Variants in PACRG observed in about 807,000 individuals in gnomAD.
PACRG encodes parkin coregulated.
Under a neutral mutation model 29.7 loss-of-function variants are expected in PACRG, and 29 were observed. The observed-to-expected ratio is 0.98, with a 90% CI of 0.73 to 1.33. The LOEUF (loss-of-function observed/expected upper bound fraction) is 1.33. Among genes scored for constraint, PACRG ranks in the 40% most tolerant of loss-of-function variants. PACRG has a pLI of 0.00. For synonymous variants in PACRG, 116 were observed against 118.7 expected, an observed-to-expected ratio of 0.98 and a Z score of 0.15; for missense variants, 279 against 316.2, an observed-to-expected ratio of 0.88 and a Z score of 0.89.
intron 1 of PACRG, among the ~76,000 whole-genome samples, chr6:162,759,798 T>A (rs566850386): frequency 2.6e-4 from 39 of 152,346 alleles, no homozygotes; most frequent in African/African-American, 8.7e-4. Flanking sequence ...TCTTCAGGTA[T>A]ATTATTTGTG....
At chr6:163,311,003 T>A (rs1053423408) in intron 4 of PACRG, 1 of 152,170 alleles carries the variant, frequency 6.6e-6, no homozygotes, top group Non-Finnish European at 1.5e-5. Flanking sequence ...AGAGAAAGCA[T>A]CCCATGGGGA....
intron 4 of PACRG, among the ~76,000 whole-genome samples, chr6:163,210,482 C>T (rs998919811): frequency 1.3e-5 from 2 of 152,182 alleles, no homozygotes; most frequent in African/African-American, 4.8e-5. Context: ...GAGCACTCAC[C>T]ATGGCCTTAG....
chr6:162,906,337 G>C (rs897366638), intron 2 of PACRG, among the ~76,000 whole-genome samples: 3 of 152,254 alleles, frequency 2.0e-5, no homozygotes, highest in African/African-American at 7.2e-5. Flanking sequence ...AATAGTATTT[G>C]TCTCTCCTTG....
chr6:163,187,238 C>T (rs984396361), intron 4 of PACRG, among the ~76,000 whole-genome samples: 2 of 152,166 alleles, frequency 1.3e-5, no homozygotes, highest in Admixed American at 6.5e-5. Flanking sequence ...CCGTTGTATG[C>T]CCAACATCCC....
chr6:162,728,882 TAAC>T lies in PACRG; in HGVS notation c.156+496_156+498del, dbSNP rs144193363. Among the ~76,000 whole-genome samples the T allele has an allele frequency of 7.8e-3, 1,190 of 152,294 alleles. 16 individuals carry two copies. The highest frequency in any genetic ancestry group is 0.027 in the African/African-American group (1,130 of 41,550). On this transcript the variant is annotated intron_variant, in intron 1 of 4. Coordinates refer to ENST00000366888, the MANE Select transcript of PACRG (RefSeq NM_001080379.2). ...TTTTAGAATATCCTAGCATTTGCTC[TAAC>T]AACACTTGTCTCTTACAAAATGATG...
At chr6:162,885,983 T>G (rs1460957463) in intron 2 of PACRG, among the ~76,000 whole-genome samples, 1 of 152,206 alleles carries the variant, frequency 6.6e-6, no homozygotes, top group African/African-American at 2.4e-5. Flanking sequence ...AAATTCAAAT[T>G]TTTCCAATTT....
intron 2 of PACRG, among the ~76,000 whole-genome samples, chr6:162,962,347 C>A (rs749014078): frequency 6.6e-6 from 1 of 152,086 alleles, no homozygotes; most frequent in Non-Finnish European, 1.5e-5. Context: ...TGAATGAGTG[C>A]ATTTGTTTTT....
At chr6:163,229,321 C>G (rs9456844) in intron 4 of PACRG, among the ~76,000 whole-genome samples, 27,135 of 151,366 alleles carry the variant, frequency 0.18, 2,500 homozygotes, top group Middle Eastern at 0.28. Flanking sequence ...AGCACTCCAG[C>G]CTGGGTGACA....
chr6:163,138,579 A>T (rs1417007834), intron 4 of PACRG, among the ~76,000 whole-genome samples: 2 of 152,178 alleles, frequency 1.3e-5, no homozygotes, highest in Non-Finnish European at 2.9e-5. Context: ...CGCAGTTCAC[A>T]ATAGGGTTCA....
At chr6:163,031,156 C>T (rs889610241) in intron 2 of PACRG, among the ~76,000 whole-genome samples, 4 of 152,328 alleles carry the variant, frequency 2.6e-5, no homozygotes, top group African/African-American at 9.6e-5. Flanking sequence ...AATAAGTACT[C>T]AGTTTAAGAA....
chr6:163,241,055 T>C (rs16894680), intron 4 of PACRG, among the ~76,000 whole-genome samples: 2,921 of 152,310 alleles, frequency 0.019, 86 homozygotes, highest in African/African-American at 0.06. Flanking sequence ...CTGCCAATCT[T>C]TCTCCAATTC....
At chr6:162,851,559 C>T (rs1312912383) in intron 2 of PACRG, among the ~76,000 whole-genome samples, 1 of 152,058 alleles carries the variant, frequency 6.6e-6, no homozygotes, top group Non-Finnish European at 1.5e-5. Context: ...TTGTATCCAG[C>T]CAGTTCTTAG....
intron 4 of PACRG, among the ~76,000 whole-genome samples, chr6:163,215,714 T>C (rs974512092): frequency 6.6e-6 from 1 of 151,890 alleles, no homozygotes; most frequent in Non-Finnish European, 1.5e-5. Flanking sequence ...CAATGACGAG[T>C]AATGGCCCCT....
At chr6:163,215,458 C>T (rs1781325220) in intron 4 of PACRG, among the ~76,000 whole-genome samples, 3 of 152,256 alleles carry the variant, frequency 2.0e-5, no homozygotes, top group Admixed American at 2.0e-4. Context: ...TTCCATTCTC[C>T]TTGACTAGGT....
At chr6:163,269,821 G>GAAGGAAGGAAGGAGAAAGAAAAAGAA (rs1562349289) in intron 4 of PACRG, among the ~76,000 whole-genome samples, 1 of 45,270 alleles carries the variant, frequency 2.2e-5, no homozygotes, top group Non-Finnish European at 5.0e-5. Context: ...AGGAAGGAAG[G>GAAGGAAGGAAGGAGAAAGAAAAAGAA]AGAAAGAAAG....
chr6:163,077,278 G>A (rs6942182), intron 3 of PACRG, among the ~76,000 whole-genome samples: 1 of 152,112 alleles, frequency 6.6e-6, no homozygotes, highest in Non-Finnish European at 1.5e-5. Context: ...AGATGGCCTA[G>A]TAGGAGGAGA....
intron 1 of PACRG, among the ~76,000 whole-genome samples, chr6:162,733,029 T>C (rs1181663943): frequency 6.6e-6 from 1 of 152,214 alleles, no homozygotes; most frequent in Admixed American, 6.5e-5. Flanking sequence ...CGAACACCCT[T>C]CTCCCTACAT....
intron 4 of PACRG, among the ~76,000 whole-genome samples, chr6:163,195,022 G>A (rs1440188602): frequency 2.0e-5 from 3 of 152,160 alleles, no homozygotes; most frequent in African/African-American, 7.2e-5. Flanking sequence ...CCTCCCTCCT[G>A]GGACTGGTCC....
intron 4 of PACRG, chr6:163,189,410 A>G (rs1478569547): frequency 1.3e-5 from 2 of 152,266 alleles, no homozygotes; most frequent in Non-Finnish European, 2.9e-5. Context: ...ACAATGAAAA[A>G]CAGAATTATC....
Sources: gnomAD v4.1 joint callset for allele counts (sites outside exome capture counted in the v4.1 genomes callset) on GRCh38, gnomAD v4.1.1 for gene constraint, MANE v1.5 for transcripts, NCBI Gene and HGNC (gene_info 2026-07-23, HGNC 2026-07-21) for gene names.